The following ASAP1 variants were observed in gnomAD, a reference collection of about 807,000 sequenced individuals.
The protein encoded by ASAP1 is ArfGAP with SH3 domain, ankyrin repeat and PH domain 1.
Under a neutral mutation model 145.2 loss-of-function variants are expected in ASAP1, and 43 were observed. The ratio of observed to expected loss-of-function variants is 0.30; its 90% CI spans 0.23 to 0.38. The LOEUF (loss-of-function observed/expected upper bound fraction) is 0.38. ASAP1 is among the 10% of genes least tolerant of loss of function. The probability of loss-of-function intolerance (pLI) is 1.00; values close to 1 mark genes in which losing one functional copy is unlikely to be tolerated. For synonymous variants in ASAP1, 546 were observed against 515.5 expected (o/e 1.06, Z -0.80); for missense variants, 1,018 against 1,355.3 (o/e 0.75, Z 3.91).
chr8:130,253,490 T>C (rs1819329182), intron 3 of ASAP1, among the ~76,000 whole-genome samples: 1 of 152,162 alleles, frequency 6.6e-6, no homozygotes, highest in Admixed American at 6.5e-5. Flanking sequence ...GTGGTGCTAC[T>C]ATAGAAGGAA....
chr8:130,357,144 ACT>A (rs147544981), intron 3 of ASAP1, among the ~76,000 whole-genome samples: 179 of 151,090 alleles, frequency 1.2e-3, no homozygotes, highest in African/African-American at 3.2e-3. Flanking sequence ...TGCCCATACC[ACT>A]CTCTCATTAA....
intron 3 of ASAP1, among the ~76,000 whole-genome samples, chr8:130,327,304 C>A (rs945536860): frequency 6.6e-6 from 1 of 152,168 alleles, no homozygotes; most frequent in South Asian, 2.1e-4. Flanking sequence ...AACTGTTGTA[C>A]CAAAATTGTT....
chr8:130,245,080 C>T (rs573247034), intron 3 of ASAP1, among the ~76,000 whole-genome samples: 2 of 152,224 alleles, frequency 1.3e-5, no homozygotes, highest in African/African-American at 4.8e-5. Flanking sequence ...GAAGAGGGAC[C>T]TGGCAGCCGC....
chr8:130,308,377 C>A (rs767121082), intron 3 of ASAP1, among the ~76,000 whole-genome samples: 1 of 152,188 alleles, frequency 6.6e-6, no homozygotes, highest in Non-Finnish European at 1.5e-5. Context: ...TTAAATCAAA[C>A]AGACTAAAAT....
chr8:130,323,683 T>C (rs1344193032), intron 3 of ASAP1, among the ~76,000 whole-genome samples: 2 of 152,190 alleles, frequency 1.3e-5, no homozygotes, highest in Non-Finnish European at 2.9e-5. Context: ...CATAGTCCTT[T>C]GCAGACATCA....
Position 130,053,959 on chromosome 8 carries a change from C to T in ASAP1, c.*772G>A, listed in dbSNP as rs1223915543. ...TGCGTAATGTAGAGGCTAATATTTT[C>T]TGGCAGTCCTTGGTTCCTGAAATTT... On this transcript the variant is annotated 3_prime_UTR_variant, in exon 30 of 30. Coordinates refer to ENST00000518721, the MANE Select transcript of ASAP1 (RefSeq NM_018482.4). 5.9e-5 allele frequency: 9 copies of T among 152,602 alleles called. No homozygotes were observed. The highest frequency in any genetic ancestry group is 2.2e-4 in the African/African-American group (9 of 41,452). The allele number at this position is 152,602 out of a possible 1,614,324, so 9.5% of individuals were successfully genotyped here.
chr8:130,074,778 T>C, intron 27 of ASAP1, among the ~76,000 whole-genome samples: 1 of 151,138 alleles, frequency 6.6e-6, no homozygotes, highest in Non-Finnish European at 1.5e-5. Context: ...TGTAGGGGAG[T>C]GGGCTGAAAG....
At position 130,401,906 on chromosome 8, in the gene ASAP1, G is replaced by T; in HGVS notation, c.38C>A (p.Ser13Ter). The T allele has an allele frequency of 6.2e-7, 1 of 1,613,672 alleles. No individual in the cohort carries two copies. Among genetic ancestry groups the T allele is most frequent in the Non-Finnish European group, 8.5e-7 (1 of 1,179,922 alleles). The stretch of plus-strand genomic sequence containing the variant: ...TCACCGATTCCATAGTGAATCTCTC[G>T]ACGAAAAACTGGAGAGCCTGGAGGC... ...SSASRLSSFSSRDSLWNRMPD... is the reference protein window; with the variant it reads ...SSASRLSSFS Residue 13 changes from serine (S) to a stop codon, truncating the protein, a stop_gained, in exon 2 of 30, where the codon TCG (serine) becomes TAG (stop). Transcript: ENST00000518721. LOFTEE classifies it high-confidence loss of function.
At chr8:130,404,945 A>G (rs943599709) in intron 1 of ASAP1, among the ~76,000 whole-genome samples, 5 of 151,910 alleles carry the variant, frequency 3.3e-5, no homozygotes, top group African/African-American at 1.2e-4. Flanking sequence ...AGACATGTGG[A>G]GCAGATCCCA....
At chr8:130,341,838 A>G (rs1825401570) in intron 3 of ASAP1, among the ~76,000 whole-genome samples, 1 of 152,208 alleles carries the variant, frequency 6.6e-6, no homozygotes, top group Non-Finnish European at 1.5e-5. Flanking sequence ...TTATTAACAA[A>G]TAAGAGGTAA....
intron 3 of ASAP1, among the ~76,000 whole-genome samples, chr8:130,289,203 C>CAA (rs1322429113): frequency 2.7e-5 from 4 of 150,718 alleles, no homozygotes; most frequent in Non-Finnish European, 4.4e-5. Flanking sequence ...AAAACAAAAA[C>CAA]AAACAAAAAA....
At chr8:130,114,268 AG>A (rs2135601575) in intron 23 of ASAP1, among the ~76,000 whole-genome samples, 1 of 152,370 alleles carries the variant, frequency 6.6e-6, no homozygotes, top group East Asian at 1.9e-4. Context: ...CTACACACCT[AG>A]GCTATATGGT....
At chr8:130,354,211 C>T (rs1196297515) in intron 3 of ASAP1, among the ~76,000 whole-genome samples, 10 of 152,098 alleles carry the variant, frequency 6.6e-5, no homozygotes, top group South Asian at 2.1e-4. Context: ...TTTTAAATTC[C>T]ATTTTATTTA....
At chr8:130,387,150 C>T (rs1828056187) in intron 2 of ASAP1, among the ~76,000 whole-genome samples, 1 of 152,180 alleles carries the variant, frequency 6.6e-6, no homozygotes, top group Admixed American at 6.5e-5. Flanking sequence ...GTATCCAAGG[C>T]TGCTGTTTTT....
At chr8:130,154,569 A>G (rs1426835836) in intron 12 of ASAP1, among the ~76,000 whole-genome samples, 3 of 152,152 alleles carry the variant, frequency 2.0e-5, no homozygotes, top group Non-Finnish European at 4.4e-5. Context: ...ACATCAGGAG[A>G]CCACTGTAGC....
chr8:130,227,524 CTGGAACTACAGGCA>C, intron 4 of ASAP1, among the ~76,000 whole-genome samples: 1 of 152,136 alleles, frequency 6.6e-6, no homozygotes, highest in South Asian at 2.1e-4. Flanking sequence ...TCCCAAAGTG[CTGGAACTACAGGCA>C]TGAGCCACAC....
At chr8:130,289,883 T>C (rs1370055039) in intron 3 of ASAP1, among the ~76,000 whole-genome samples, 1 of 152,226 alleles carries the variant, frequency 6.6e-6, no homozygotes, top group Non-Finnish European at 1.5e-5. Flanking sequence ...AGTTTTTAAA[T>C]ATCCAGTACG....
chr8:130,201,614 G>A (rs1333426026), intron 5 of ASAP1, among the ~76,000 whole-genome samples: 2 of 152,150 alleles, frequency 1.3e-5, no homozygotes, highest in Non-Finnish European at 2.9e-5. Flanking sequence ...ATGGAAAGGG[G>A]AAGTAGCTAG....
At chr8:130,394,504 C>CGGTCCTGT (rs1828435049) in intron 2 of ASAP1, among the ~76,000 whole-genome samples, 1 of 152,126 alleles carries the variant, frequency 6.6e-6, no homozygotes, top group African/African-American at 2.4e-5. Context: ...AATGTCGTCC[C>CGGTCCTGT]GGTCCTGTGG....
Sources: gnomAD v4.1 joint callset for allele counts (sites outside exome capture counted in the v4.1 genomes callset) on GRCh38, gnomAD v4.1.1 for gene constraint, MANE v1.5 for transcripts, NCBI Gene and HGNC (gene_info 2026-07-23, HGNC 2026-07-21) for gene names.